The following DNAH11 variants were observed in gnomAD, a reference collection of about 807,000 sequenced individuals.
The protein encoded by DNAH11 is dynein axonemal heavy chain 11.
Under a neutral mutation model 526.0 loss-of-function variants are expected in DNAH11, and 442 were observed. That is an observed-to-expected ratio of 0.84 (90% CI 0.78 to 0.91). The LOEUF is 0.91. Among genes scored for constraint, DNAH11 ranks in the 40% least tolerant of loss-of-function variants. DNAH11 has a pLI of 0.00. For missense variants in DNAH11, 6,989 were observed against 5,448.7 expected, an observed-to-expected ratio of 1.28 and a Z score of -8.90; for synonymous variants, 2,461 against 1,935.9, an observed-to-expected ratio of 1.27 and a Z score of -7.12.
chr7:21,570,947 A>G lies in DNAH11; in HGVS notation c.1425+648A>G, dbSNP rs116157030. On this transcript the variant is annotated intron_variant, in intron 7 of 81. Transcript: ENST00000409508. ...TTATTTTCTTTGTAAAGCTCTAAGA[A>G]TTTTGGGCATTGTCATTGATAAAGG... Among the ~76,000 whole-genome samples, 592 of 152,126 alleles carry G rather than the reference A, an allele frequency of 3.9e-3. 3 individuals carry two copies. Among genetic ancestry groups the G allele is most frequent in the African/African-American group, 0.013 (526 of 41,520 alleles).
intron 25 of DNAH11, among the ~76,000 whole-genome samples, chr7:21,634,229 G>A (rs1470012029): frequency 6.6e-6 from 1 of 152,216 alleles, no homozygotes; most frequent in Non-Finnish European, 1.5e-5. Context: ...CAGAGGTTCA[G>A]CCAAGAGCTG....
intron 25 of DNAH11, among the ~76,000 whole-genome samples, chr7:21,621,668 A>G (rs1379797569): frequency 6.6e-6 from 1 of 151,786 alleles, no homozygotes; most frequent in African/African-American, 2.4e-5. Context: ...CTGGTTCAAT[A>G]CACACAAATC....
rs564340334 is a variant in DNAH11 at position 21,756,536 on chromosome 7, A to G, written c.8940+6172A>G. Among the ~76,000 whole-genome samples the G allele has an allele frequency of 6.6e-5, 10 of 151,760 alleles. No homozygotes were observed. The East Asian group carries it at 1.9e-3, about 29-fold the overall frequency. On this transcript the variant is annotated intron_variant, in intron 54 of 81. Coordinates refer to ENST00000409508, the MANE Select transcript of DNAH11 (RefSeq NM_001277115.2). The stretch of plus-strand genomic sequence containing the variant: ...TTTAATTTCCTGGATTAACTATGAA[A>G]TCAGTTTGATGACTTTTTAAAAAAT...
At chr7:21,649,445 A>T (rs575454505) in intron 28 of DNAH11, among the ~76,000 whole-genome samples, 3 of 152,212 alleles carry the variant, frequency 2.0e-5, no homozygotes, top group Admixed American at 2.0e-4. Flanking sequence ...TCTTTATACA[A>T]TGGAATACCA....
chr7:21,715,756 C>G (rs1000629579), intron 42 of DNAH11, among the ~76,000 whole-genome samples: 1 of 151,788 alleles, frequency 6.6e-6, no homozygotes, highest in Non-Finnish European at 1.5e-5. Flanking sequence ...GCAATAATTT[C>G]TACATAAATT....
intron 30 of DNAH11, among the ~76,000 whole-genome samples, chr7:21,674,632 T>A (rs969647660): frequency 1.3e-5 from 2 of 152,138 alleles, no homozygotes. Context: ...ATCTTTCTTT[T>A]TCCTTCCCTT....
chr7:21,759,682 C>T (rs1187108625), intron 54 of DNAH11, among the ~76,000 whole-genome samples: 2 of 149,658 alleles, frequency 1.3e-5, no homozygotes, highest in Non-Finnish European at 2.9e-5. Flanking sequence ...ACTATATCAA[C>T]TGGAAAAAAA....
At chr7:21,681,730 G>A in intron 31 of DNAH11, 53 bp downstream of exon 31, 1 of 1,603,190 alleles carries the variant, frequency 6.2e-7, no homozygotes, top group Non-Finnish European at 8.5e-7. Context: ...TGAAAGTGGT[G>A]TTTATTGCCA....
At chr7:21,822,075 A>G (rs575938501) in intron 65 of DNAH11, among the ~76,000 whole-genome samples, 15 of 152,254 alleles carry the variant, frequency 9.9e-5, no homozygotes, top group East Asian at 1.9e-4. Flanking sequence ...TTCACTGTGT[A>G]TATATACCAC....
At chr7:21,783,103 C>G (rs1788024067) in intron 57 of DNAH11, among the ~76,000 whole-genome samples, 1 of 152,036 alleles carries the variant, frequency 6.6e-6, no homozygotes, top group African/African-American at 2.4e-5. Flanking sequence ...GATGATAACT[C>G]CTTCACTCAC....
At chr7:21,543,856 C>T (rs1782698570) in intron 1 of DNAH11, 1 of 518,646 alleles carries the variant, frequency 1.9e-6, no homozygotes, top group East Asian at 3.5e-5. Context: ...ACCAGGATAA[C>T]CCAAGAACAC....
intron 71 of DNAH11, among the ~76,000 whole-genome samples, chr7:21,867,614 C>T (rs1253117960): frequency 2.6e-5 from 4 of 152,158 alleles, no homozygotes; most frequent in Non-Finnish European, 4.4e-5. Context: ...TCAGGGGGGT[C>T]TCAGTAGCCC....
chr7:21,636,087 G>A lies in DNAH11; in HGVS notation c.4717G>A (p.Glu1573Lys). 6.2e-7 allele frequency: 1 copy of A among 1,608,082 alleles called. No homozygotes were observed. The highest frequency in any genetic ancestry group is 8.5e-7 in the Non-Finnish European group (1 of 1,176,120). ...TAGAAGATTTGATGGGGTGGATGCT[G>A]AATTTAAGGTTTGTCAAAGACAGGC... is the stretch of plus-strand genomic sequence containing the variant. ...DARRFDGVDA[E>K]FKELMFKTAK... Residue 1573 changes from glutamate to lysine, a missense_variant, in exon 26 of 82, where the codon GAA (glutamate) becomes AAA (lysine). Coordinates refer to ENST00000409508, the MANE Select transcript of DNAH11 (RefSeq NM_001277115.2).
Position 21,893,213 on chromosome 7 carries a change from T to C in DNAH11, c.12750+546T>C, listed in dbSNP as rs117101438. The stretch of plus-strand genomic sequence containing the variant: ...CATTTCTCTATACCCAGAAGTGGGA[T>C]TGCCAGATAACAGGGTATAATGTGT... On this transcript the variant is annotated intron_variant, in intron 77 of 81. Transcript: ENST00000409508. Among the ~76,000 whole-genome samples, 168 of 152,362 alleles carry C rather than the reference T, an allele frequency of 1.1e-3. 1 individual carries two copies. In the East Asian group the frequency reaches 0.029, roughly 26 times the overall value.
At chr7:21,651,447 C>T (rs1322670493) in intron 28 of DNAH11, among the ~76,000 whole-genome samples, 1 of 152,112 alleles carries the variant, frequency 6.6e-6, no homozygotes, top group Non-Finnish European at 1.5e-5. Flanking sequence ...ACTGCAACCT[C>T]CGCCCCTCCA....
At chr7:21,853,725 C>A (rs900742535) in intron 67 of DNAH11, among the ~76,000 whole-genome samples, 1 of 152,132 alleles carries the variant, frequency 6.6e-6, no homozygotes, top group African/African-American at 2.4e-5. Context: ...GCTGGTTTTT[C>A]TTTTTAAATT....
At chr7:21,779,148 A>C (rs781050755) in intron 57 of DNAH11, 44 bp downstream of exon 57, 4 of 1,575,416 alleles carry the variant, frequency 2.5e-6, no homozygotes, top group Non-Finnish European at 3.5e-6. Context: ...TATATTTAGC[A>C]CAAAATAAAC....
intron 59 of DNAH11, among the ~76,000 whole-genome samples, 156 bp downstream of exon 59, chr7:21,786,923 C>A (rs1788219664): frequency 6.6e-6 from 1 of 152,188 alleles, no homozygotes; most frequent in Non-Finnish European, 1.5e-5. Context: ...AGACTTACAG[C>A]TTTTGTTTGC....
At chr7:21,613,440 T>A (rs915318355) in intron 20 of DNAH11, among the ~76,000 whole-genome samples, 1 of 152,194 alleles carries the variant, frequency 6.6e-6, no homozygotes, top group Non-Finnish European at 1.5e-5. Flanking sequence ...TATCCTTTTA[T>A]GTGTATAAAA....
Sources: allele counts gnomAD v4.1 joint callset (sites outside exome capture counted in the v4.1 genomes callset), GRCh38; gene constraint gnomAD v4.1.1; transcripts MANE v1.5; gene names NCBI Gene and HGNC (gene_info 2026-07-23, HGNC 2026-07-21).